The following TDRKH variants were observed in gnomAD, a reference collection of about 807,000 sequenced individuals.
TDRKH encodes the protein tudor and KH domain-containing protein.
A neutral mutation model predicts 61.3 loss-of-function variants in TDRKH; 28 were observed. That is an observed-to-expected ratio of 0.46 (90% confidence interval 0.34 to 0.63). TDRKH has a LOEUF of 0.63. Among genes scored for constraint, TDRKH ranks in the 20% least tolerant of loss-of-function variants. The pLI is 0.01. For synonymous variants in TDRKH, 219 were observed against 244.4 expected, an observed-to-expected ratio of 0.90 and a Z score of 0.97; for missense variants, 540 against 683.4, an observed-to-expected ratio of 0.79 and a Z score of 2.34.
chr1:151,775,332 G>T, intron 10 of TDRKH, 60 bp downstream of exon 10: 1 of 1,570,620 alleles, frequency 6.4e-7, no homozygotes, highest in Non-Finnish European at 8.6e-7. Flanking sequence ...GGAAGAAAAA[G>T]TAAATTAGGC....
At chr1:151,768,216 T>A, downstream of TDRKH, 1 of 1,612,660 alleles carries the variant, frequency 6.2e-7, no homozygotes, top group Non-Finnish European at 8.5e-7. Flanking sequence ...AGGCCTTGGA[T>A]CAAGGCAACC....
chr1:151,777,589 T>A (rs1649308451), intron 6 of TDRKH, among the ~76,000 whole-genome samples: 1 of 152,294 alleles, frequency 6.6e-6, no homozygotes, highest in Middle Eastern at 3.4e-3. Flanking sequence ...TAGTATTAAT[T>A]CAAGTAAAAT....
chr1:151,774,455 G>C lies in TDRKH; in HGVS notation c.1683C>G (p.Leu561=). The stretch of plus-strand genomic sequence containing the variant: ...TGAGCAAACTGAAGCCCAGACTTCA[G>C]AGTAAGTAGTCATCTTCAAGGTTAT... ...GDDNLEDDYL[L] The change falls in exon 13 of 13, where the codon CTC becomes CTG. Residue 561 remains leucine (L), a synonymous_variant. Coordinates refer to ENST00000368824, the MANE Select transcript of TDRKH (RefSeq NM_001083965.2). The C allele has an allele frequency of 6.2e-7, 1 of 1,614,148 alleles. No homozygotes were observed. Among genetic ancestry groups the C allele is most frequent in the Non-Finnish European group, 8.5e-7 (1 of 1,180,000 alleles).
In TDRKH at chr1:151,779,289, C is replaced by T. The variant is rs755554201; in HGVS notation, c.422-47G>A. On this transcript the variant is annotated intron_variant, in intron 4 of 12. Coordinates refer to ENST00000368824, the MANE Select transcript of TDRKH (RefSeq NM_001083965.2). Reference sequence around the variant, plus strand: ...AACCTGCCCTTCCCTCCTGGCCAACCTTAGCTACTGGAGAAATCACTGTTT... The same window carrying T: ...AACCTGCCCTTCCCTCCTGGCCAACTTTAGCTACTGGAGAAATCACTGTTT... 3.4e-5 allele frequency: 54 copies of T among 1,599,544 alleles called. No individual in the cohort carries two copies. In the East Asian group the frequency reaches 7.1e-4, roughly 21 times the overall value.
At chr1:151,782,160 GT>G (rs1449289590) in intron 2 of TDRKH, 2 of 364,962 alleles carry the variant, frequency 5.5e-6, no homozygotes, top group African/African-American at 4.3e-5. Flanking sequence ...ACTTTGCTAT[GT>G]AAGAACATAG....
rs936785874 is a variant in TDRKH, at chr1:151,780,249, A to C, written c.232-109T>G. 5 of 1,060,342 alleles carry C rather than the reference A, an allele frequency of 4.7e-6. No individual in the cohort carries two copies. The African/African-American group carries it at 7.8e-5, about 17-fold the overall frequency. 65.7% of individuals were successfully genotyped at this position (1,060,342 alleles called of 1,614,324 possible). On this transcript the variant is annotated intron_variant, in intron 3 of 12. Transcript: ENST00000368824. ...GAGGTAGATAGAATTAGCCAAAGGA[A>C]TTAGCTAATACTATCTATACAACCA...
intron 2 of TDRKH, 49 bp from the exon 3 acceptor site, chr1:151,781,636 T>C (rs35077383): frequency 0.48 from 736,244 of 1,545,250 alleles, 181,332 homozygotes; most frequent in Non-Finnish European, 0.52. Flanking sequence ...CACCCAAAGC[T>C]AGTATAACTA....
At chr1:151,780,482 A>G (rs1649644478) in intron 3 of TDRKH, among the ~76,000 whole-genome samples, 1 of 152,230 alleles carries the variant, frequency 6.6e-6, no homozygotes, top group South Asian at 2.1e-4. Flanking sequence ...TGAACAATGG[A>G]AGATGGTAAG....
At position 151,774,324 on chromosome 1, in the gene TDRKH, G is replaced by A. The variant is rs1476358621; in HGVS notation, c.*128C>T. ...AGCTGCAGAGAAGTATATTAAGACA[G>A]GGCATGGGAAAGAGGGAATCAAAGC... On this transcript the variant is annotated 3_prime_UTR_variant, in exon 13 of 13. Transcript: ENST00000368824. 4 of 891,370 alleles carry A rather than the reference G, an allele frequency of 4.5e-6. No individual in the cohort carries two copies. The highest frequency in any genetic ancestry group is 6.9e-6 in the Non-Finnish European group (4 of 578,320). The allele number at this position is 891,370 out of a possible 1,614,324, so 55.2% of individuals were successfully genotyped here. A position where few individuals can be genotyped will look rare whatever the true frequency, so the allele number is the denominator to read the frequency against.
At chr1:151,788,602 G>A (rs1248788387) in intron 1 of TDRKH, among the ~76,000 whole-genome samples, 3 of 152,130 alleles carry the variant, frequency 2.0e-5, no homozygotes, top group African/African-American at 7.2e-5. Flanking sequence ...CATTAATAAC[G>A]TTGCAATTTG....
rs774227191 is a variant in TDRKH, at chr1:151,774,777, C to T, written c.1566G>A (p.Thr522=). ...AGCTCTTTTTGGTCTCAGTGAGCAA[C>T]GTGCTGAGAGAGGCATCTGTTTCTG... The part of the protein sequence containing the change: ...MATETDASLS[T]LLTETKKSSG... The change falls in exon 12 of 13, where the codon ACG becomes ACA. Residue 522 remains threonine (T), a synonymous_variant. Transcript: ENST00000368824. 1.3e-5 allele frequency: 21 copies of T among 1,613,976 alleles called. No homozygotes were observed. Among genetic ancestry groups the T allele is most frequent in the Admixed American group, 8.3e-5 (5 of 60,006 alleles).
downstream of TDRKH, chr1:151,767,045 G>A: frequency 6.8e-7 from 1 of 1,471,262 alleles, no homozygotes. Context: ...GTTGGGCCCA[G>A]GAACATAGAA....
intron 2 of TDRKH, chr1:151,782,084 T>C: frequency 2.3e-6 from 1 of 428,992 alleles, no homozygotes; most frequent in Non-Finnish European, 4.6e-6. Flanking sequence ...CTCTTTGCTG[T>C]GTTGATGTTG....
Position 151,776,482 on chromosome 1 carries a change from T to C in TDRKH, c.1001A>G (p.Asp334Gly). ...QIVGSRSLQL[D>G]KLVNEMTQHY... ...CTGGGTCATCTCATTGACAAGCTTA[T>C]CCAATTGCAGGCTGCGGGAGCCAAC... The change falls in exon 7 of 13, where the codon GAT (aspartate) becomes GGT (glycine). Residue 334 changes from aspartate (D) to glycine (G), a missense_variant. This residue lies in a region of TDRKH where 379 missense variants were observed against 443.8 expected (regional missense o/e 0.85). Coordinates refer to ENST00000368824, the MANE Select transcript of TDRKH (RefSeq NM_001083965.2). 6.2e-7 allele frequency: 1 copy of C among 1,614,176 alleles called. No individual in the cohort carries two copies. Among genetic ancestry groups the C allele is most frequent in the Non-Finnish European group, 8.5e-7 (1 of 1,180,038 alleles).
chr1:151,767,898 A>G, downstream of TDRKH: 2 of 899,032 alleles, frequency 2.2e-6, no homozygotes, highest in East Asian at 2.7e-5. Flanking sequence ...GGCATAGGCT[A>G]TTAGTTCCTG....
chr1:151,770,098 TGGGGAGACGGAGACGGAG>T, downstream of TDRKH: 2 of 452,050 alleles, frequency 4.4e-6, no homozygotes, highest in African/African-American at 2.6e-5. Flanking sequence ...AGGGAGACCA[TGGGGAGACGGAGACGGAG>T]AGGGAGAGGG....
chr1:151,779,883 G>T, intron 4 of TDRKH, 68 bp downstream of exon 4: 1 of 1,489,934 alleles, frequency 6.7e-7, no homozygotes, highest in Non-Finnish European at 9.1e-7. Context: ...AAAAAACCCT[G>T]GGAAGGTGTG....
Position 151,779,931 on chromosome 1 carries a change from A to T in TDRKH, c.421+20T>A. 1.3e-6 allele frequency: 2 copies of T among 1,596,012 alleles called. No homozygotes were observed. The highest frequency in any genetic ancestry group is 1.7e-6 in the Non-Finnish European group (2 of 1,166,358). ...AGGTAAAGAATAAAGGAAACAATAG[A>T]GGAAGCCATCCAGTGGTACCTATGA... On this transcript the variant is annotated intron_variant, in intron 4 of 12. Transcript: ENST00000368824.
rs148066586 is a variant in TDRKH, at chr1:151,781,656, C to T, written c.125-69G>A. 143 of 1,389,778 alleles carry T rather than the reference C, an allele frequency of 1.0e-4. No individual in the cohort carries two copies. The African/African-American group carries it at 1.9e-3, about 19-fold the overall frequency. The allele number at this position is 1,389,778 out of a possible 1,614,324, so 86.1% of individuals were successfully genotyped here. ...AAAGCTAGTATAACTACCAGTCCTCCCCAGAATCTGGCTGTCAAAGAGACA... is the reference window on the plus strand; with the variant it reads ...AAAGCTAGTATAACTACCAGTCCTCTCCAGAATCTGGCTGTCAAAGAGACA... On this transcript the variant is annotated intron_variant, in intron 2 of 12. Coordinates refer to ENST00000368824, the MANE Select transcript of TDRKH (RefSeq NM_001083965.2).
Sources: allele counts gnomAD v4.1 joint callset (sites outside exome capture counted in the v4.1 genomes callset), GRCh38; gene constraint gnomAD v4.1.1; regional missense constraint gnomAD v4.1.1; transcripts MANE v1.5; gene names NCBI Gene and HGNC (gene_info 2026-07-23, HGNC 2026-07-21).